AKR1B10: variants seen among roughly 807,000 people sequenced by gnomAD.
The protein encoded by AKR1B10 is aldo-keto reductase family 1 member B10.
In AKR1B10, 39 loss-of-function variants were observed where a neutral mutation model predicts 38.9. That is an observed-to-expected ratio of 1.00 (90% CI 0.78 to 1.31). The LOEUF (loss-of-function observed/expected upper bound fraction) is 1.31, where lower values mean the gene tolerates loss of function less well. AKR1B10 is among the 50% of genes most tolerant of loss of function. The pLI is 0.00. For synonymous variants in AKR1B10, 148 were observed against 141.2 expected (o/e 1.05, Z -0.34); for missense variants, 361 against 382.6 (o/e 0.94, Z 0.47).
chr7:134,530,900 T>A, intron 2 of AKR1B10, 90 bp downstream of exon 2: 1 of 1,497,328 alleles, frequency 6.7e-7, no homozygotes, highest in Non-Finnish European at 9.0e-7. Context: ...GTCAGCCTTT[T>A]CTACATGTAC....
Position 134,527,951 on chromosome 7 carries a change from C to T in AKR1B10, c.40C>T (p.Pro14Ser). The change falls in exon 1 of 10, where the codon CCC (proline) becomes TCC (serine). Residue 14 changes from proline to serine, a missense_variant. This residue lies in a region of AKR1B10 where 220 missense variants were observed against 216.1 expected (regional missense o/e 1.02). Transcript: ENST00000359579. ...FVELSTKAKM[P>S]IVGLGTWKSP... Reference sequence around the variant, plus strand: ...GGAGCTCAGTACCAAAGCCAAGATGCCCATTGTGGGCCTGGGCACTTGGAA... The same window carrying T: ...GGAGCTCAGTACCAAAGCCAAGATGTCCATTGTGGGCCTGGGCACTTGGAA... The T allele has an allele frequency of 4.3e-6, 7 of 1,613,980 alleles. No homozygotes were observed. The highest frequency in any genetic ancestry group is 5.9e-6 in the Non-Finnish European group (7 of 1,179,974).
At chr7:134,534,458 C>T (rs1807943071) in intron 4 of AKR1B10, among the ~76,000 whole-genome samples, 1 of 152,184 alleles carries the variant, frequency 6.6e-6, no homozygotes, top group East Asian at 1.9e-4. Context: ...TTTATCTTAA[C>T]TCTTATGATG....
intron 4 of AKR1B10, among the ~76,000 whole-genome samples, chr7:134,534,313 G>A (rs959521496): frequency 3.3e-5 from 5 of 152,138 alleles, no homozygotes; most frequent in East Asian, 3.9e-4. Flanking sequence ...GTAGAGATGG[G>A]GTTTCACCAT....
intron 6 of AKR1B10, 72 bp from the exon 7 acceptor site, chr7:134,537,508 C>T: frequency 6.6e-7 from 1 of 1,513,712 alleles, no homozygotes; most frequent in East Asian, 2.3e-5. Context: ...TCTTGAGACC[C>T]TCATTGGAGT....
At chr7:134,533,549 T>G (rs1017828357) in intron 4 of AKR1B10, among the ~76,000 whole-genome samples, 1 of 152,204 alleles carries the variant, frequency 6.6e-6, no homozygotes, top group Non-Finnish European at 1.5e-5. Context: ...TAAAGCCCAT[T>G]TAACCCTAGG....
chr7:134,532,155 G>A, intron 3 of AKR1B10, 131 bp downstream of exon 3: 1 of 1,105,612 alleles, frequency 9.0e-7, no homozygotes, highest in Non-Finnish European at 1.3e-6. Flanking sequence ...ATGGCAGGTG[G>A]TCAGGAAGAG....
At chr7:134,530,869 C>T (rs367680534) in intron 2 of AKR1B10, 59 bp downstream of exon 2, 28 of 1,553,686 alleles carry the variant, frequency 1.8e-5, no homozygotes, top group African/African-American at 1.6e-4. Context: ...GTATCTGGGT[C>T]GGGTTGGCAG....
At position 134,527,637 on chromosome 7, in the gene AKR1B10, G is replaced by A. The variant is rs11545283; in HGVS notation, c.-275G>A. The A allele has an allele frequency of 3.8e-3, 988 of 261,376 alleles. 2 individuals carry two copies. The highest frequency in any genetic ancestry group is 5.8e-3 in the Non-Finnish European group (767 of 132,018). The allele number at this position is 261,376 out of a possible 1,614,324, so 16.2% of individuals were successfully genotyped here. A position where few individuals can be genotyped will look rare whatever the true frequency, so the allele number is the denominator to read the frequency against. The stretch of plus-strand genomic sequence containing the variant: ...TCCCAGCACTTTGGAAGGCCGAGGT[G>A]GGCGGATCACCTGAGCTCAGGAGTT... On this transcript the variant is annotated 5_prime_UTR_variant, in exon 1 of 10. Transcript: ENST00000359579.
chr7:134,535,516 T>G (rs1807970374), intron 4 of AKR1B10: 1 of 745,450 alleles, frequency 1.3e-6, no homozygotes, highest in African/African-American at 1.9e-5. Flanking sequence ...ATGTCGTGCT[T>G]ATCCCTGCCT....
At chr7:134,530,491 T>C in intron 1 of AKR1B10, 152 bp from the exon 2 acceptor site, 1 of 808,780 alleles carries the variant, frequency 1.2e-6, no homozygotes, top group Non-Finnish European at 1.9e-6. Context: ...GATAAGAGAA[T>C]ATGATGGTTG....
chr7:134,538,109 G>A, intron 7 of AKR1B10, 85 bp from the exon 8 acceptor site: 1 of 1,256,828 alleles, frequency 8.0e-7, no homozygotes, highest in Non-Finnish European at 1.2e-6. Flanking sequence ...GCCACAGTGA[G>A]CTGCAGAGAT....
At chr7:134,528,765 CAGAG>C (rs1356147112) in intron 1 of AKR1B10, among the ~76,000 whole-genome samples, 2 of 152,104 alleles carry the variant, frequency 1.3e-5, no homozygotes, top group African/African-American at 2.4e-5. Flanking sequence ...GAAAGAGAGA[CAGAG>C]AGAAACAAAA....
intron 1 of AKR1B10, among the ~76,000 whole-genome samples, chr7:134,528,237 T>C (rs1448747045): frequency 6.6e-6 from 1 of 152,196 alleles, no homozygotes; most frequent in Non-Finnish European, 1.5e-5. Flanking sequence ...TAAAACTGTT[T>C]TCCAGGGCAG....
At chr7:134,539,057 T>G in intron 9 of AKR1B10, 40 bp downstream of exon 9, 1 of 1,610,656 alleles carries the variant, frequency 6.2e-7, no homozygotes, top group Non-Finnish European at 8.5e-7. Context: ...TGCCAGGAGT[T>G]TTTCTAAACT....
intron 4 of AKR1B10, among the ~76,000 whole-genome samples, chr7:134,534,731 A>G (rs1585753942): frequency 6.6e-6 from 1 of 152,342 alleles, no homozygotes; most frequent in South Asian, 2.1e-4. Context: ...GTCAAGTTCT[A>G]ATACAGGAAA....
intron 1 of AKR1B10, among the ~76,000 whole-genome samples, chr7:134,528,378 T>G (rs779724791): frequency 6.6e-6 from 1 of 152,098 alleles, no homozygotes; most frequent in Non-Finnish European, 1.5e-5. Flanking sequence ...CCTTTGCAGA[T>G]CACGGTGTGA....
chr7:134,531,134 G>A (rs1235485604), intron 2 of AKR1B10, among the ~76,000 whole-genome samples: 2 of 152,138 alleles, frequency 1.3e-5, no homozygotes, highest in Non-Finnish European at 2.9e-5. Flanking sequence ...GGGTGCAGGC[G>A]GGTCTTGATC....
intron 3 of AKR1B10, among the ~76,000 whole-genome samples, chr7:134,532,270 C>T (rs1173193076): frequency 6.6e-6 from 1 of 152,176 alleles, no homozygotes; most frequent in East Asian, 1.9e-4. Flanking sequence ...TGAGAGAAGA[C>T]ATGATTTCTG....
chr7:134,533,695 C>T (rs1158671417), intron 4 of AKR1B10, among the ~76,000 whole-genome samples: 1 of 152,172 alleles, frequency 6.6e-6, no homozygotes, highest in African/African-American at 2.4e-5. Flanking sequence ...CAAGTCCAAC[C>T]ACCAAAGCCA....
Sources: allele counts gnomAD v4.1 joint callset (sites outside exome capture counted in the v4.1 genomes callset), GRCh38; gene constraint gnomAD v4.1.1; regional missense constraint gnomAD v4.1.1; transcripts MANE v1.5; gene names NCBI Gene and HGNC (gene_info 2026-07-23, HGNC 2026-07-21).